The following DNAH11 variants were observed in gnomAD, a reference collection of about 807,000 sequenced individuals.
The protein encoded by DNAH11 is dynein axonemal heavy chain 11.
In DNAH11, 442 loss-of-function variants were observed where a neutral mutation model predicts 526.0. That is an observed-to-expected ratio of 0.84 (90% CI 0.78 to 0.91). The LOEUF is 0.91. Among genes scored for constraint, DNAH11 ranks in the 40% least tolerant of loss-of-function variants. The pLI, the probability that DNAH11 is intolerant of heterozygous loss-of-function variation, is 0.00. For missense variants in DNAH11, 6,989 were observed against 5,448.7 expected, an observed-to-expected ratio of 1.28 and a Z score of -8.90; for synonymous variants, 2,461 against 1,935.9, an observed-to-expected ratio of 1.27 and a Z score of -7.12.
At chr7:21,603,779 G>A (rs1219983189) in intron 18 of DNAH11, among the ~76,000 whole-genome samples, 1 of 152,138 alleles carries the variant, frequency 6.6e-6, no homozygotes, top group Non-Finnish European at 1.5e-5. Flanking sequence ...GATATTCCTT[G>A]AATCAGATGT....
In DNAH11 at chr7:21,819,224, G is replaced by A. The variant is rs79036154; in HGVS notation, c.10691+885G>A. Among the ~76,000 whole-genome samples, 8 of 151,724 alleles carry A rather than the reference G, an allele frequency of 5.3e-5. No homozygotes were observed. The East Asian group carries it at 1.5e-3, about 29-fold the overall frequency. ...TTCCCCCACCCTGTTCTTTCTTAAC[G>A]CCCACGCTCTGCCTCTAAGGTATCT... On this transcript the variant is annotated intron_variant, in intron 65 of 81. Transcript: ENST00000409508.
At chr7:21,599,525 G>C (rs1272026828) in intron 14 of DNAH11, among the ~76,000 whole-genome samples, 1 of 152,204 alleles carries the variant, frequency 6.6e-6, no homozygotes, top group Admixed American at 6.5e-5. Context: ...TGTATTTCCT[G>C]TCTGTATCTG....
At chr7:21,638,114 T>C (rs1786955010) in intron 27 of DNAH11, among the ~76,000 whole-genome samples, 1 of 152,208 alleles carries the variant, frequency 6.6e-6, no homozygotes, top group Non-Finnish European at 1.5e-5. Context: ...GCAGCATTTT[T>C]AAAATCATTG....
intron 36 of DNAH11, among the ~76,000 whole-genome samples, chr7:21,701,091 G>A (rs1025650044): frequency 6.6e-6 from 1 of 151,514 alleles, no homozygotes; most frequent in African/African-American, 2.4e-5. Flanking sequence ...CATGTGTCCC[G>A]AAACTTAAAC....
chr7:21,894,628 G>C lies in DNAH11; in HGVS notation c.12756G>C (p.Lys4252Asn). Residue 4252 changes from lysine (K) to asparagine (N), a missense_variant, in exon 78 of 82, where the codon AAG becomes AAC. Lys to Asn is a moderately conservative substitution (Grantham distance 94, BLOSUM62 0). Coordinates refer to ENST00000409508, the MANE Select transcript of DNAH11 (RefSeq NM_001277115.2). Reference protein sequence around the residue: ...ELGQSTEEKVKNVLDDILEKL... With the variant: ...ELGQSTEEKVNNVLDDILEKL... Reference sequence around the variant, plus strand: ...CTTTGTGTTACTGATTTAAGGTTAAGAATGTCTTGGATGACATTTTGGAGA... The same window carrying C: ...CTTTGTGTTACTGATTTAAGGTTAACAATGTCTTGGATGACATTTTGGAGA... 6.2e-7 allele frequency: 1 copy of C among 1,613,382 alleles called. No homozygotes were observed. Among genetic ancestry groups the C allele is most frequent in the Non-Finnish European group, 8.5e-7 (1 of 1,179,724 alleles).
chr7:21,638,688 TGG>T (rs939558054), intron 27 of DNAH11, among the ~76,000 whole-genome samples: 31 of 110,324 alleles, frequency 2.8e-4, no homozygotes, highest in East Asian at 2.3e-3. Context: ...CCACAGCTAA[TGG>T]GGTGTGTGTG....
At chr7:21,885,908 G>A (rs1388823458) in intron 76 of DNAH11, among the ~76,000 whole-genome samples, 1 of 152,084 alleles carries the variant, frequency 6.6e-6, no homozygotes, top group African/African-American at 2.4e-5. Flanking sequence ...GTTCCAGCCC[G>A]GGGCTGTGTT....
At chr7:21,658,032 T>C (rs899987069) in intron 29 of DNAH11, among the ~76,000 whole-genome samples, 1 of 152,162 alleles carries the variant, frequency 6.6e-6, no homozygotes, top group African/African-American at 2.4e-5. Flanking sequence ...GCAAATAATA[T>C]ATGTATCACT....
At chr7:21,778,328 A>G (rs571449519) in intron 56 of DNAH11, among the ~76,000 whole-genome samples, 1 of 152,140 alleles carries the variant, frequency 6.6e-6, no homozygotes, top group Non-Finnish European at 1.5e-5. Flanking sequence ...GCCACAGCAT[A>G]CTAATACCCC....
At chr7:21,760,694 C>T (rs1289236890) in intron 54 of DNAH11, among the ~76,000 whole-genome samples, 1 of 152,160 alleles carries the variant, frequency 6.6e-6, no homozygotes, top group Non-Finnish European at 1.5e-5. Flanking sequence ...ATGATGCTGC[C>T]TAACCAACCA....
chr7:21,765,733 A>T, intron 55 of DNAH11, 144 bp downstream of exon 55: 5 of 1,193,220 alleles, frequency 4.2e-6, no homozygotes, highest in Non-Finnish European at 5.6e-6. Flanking sequence ...TTTGTTTAAG[A>T]TGCTAAACTT....
At position 21,779,188 on chromosome 7, in the gene DNAH11, C is replaced by T. The variant is rs1444485618; in HGVS notation, c.9483+84C>T. ...GTAGGTGAACAATTTTGAACAACTT[C>T]CTCTCCAGGGAGCATAAAGTCTAAA... On this transcript the variant is annotated intron_variant, in intron 57 of 81. Coordinates refer to ENST00000409508, the MANE Select transcript of DNAH11 (RefSeq NM_001277115.2). The T allele has an allele frequency of 2.7e-6, 4 of 1,473,552 alleles. No individual in the cohort carries two copies. The East Asian group carries it at 7.1e-5, about 26-fold the overall frequency. The allele number at this position is 1,473,552 out of a possible 1,614,324, so 91.3% of individuals were successfully genotyped here. A position where few individuals can be genotyped will look rare whatever the true frequency, so the allele number is the denominator to read the frequency against.
intron 65 of DNAH11, among the ~76,000 whole-genome samples, chr7:21,824,551 A>G (rs1266462881): frequency 6.6e-6 from 1 of 152,218 alleles, no homozygotes; most frequent in Non-Finnish European, 1.5e-5. Context: ...TAAATAAAAG[A>G]TCTAAATAGA....
At chr7:21,776,220 G>C (rs1348084151) in intron 56 of DNAH11, among the ~76,000 whole-genome samples, 1 of 152,136 alleles carries the variant, frequency 6.6e-6, no homozygotes, top group African/African-American at 2.4e-5. Flanking sequence ...AGTCTGTAAA[G>C]ACACAAGACA....
chr7:21,717,456 G>T (rs1384084292), intron 42 of DNAH11, among the ~76,000 whole-genome samples: 1 of 152,148 alleles, frequency 6.6e-6, no homozygotes, highest in Non-Finnish European at 1.5e-5. Flanking sequence ...TATGGGAATA[G>T]TTTCAGCCCT....
intron 20 of DNAH11, among the ~76,000 whole-genome samples, chr7:21,610,360 A>C (rs2128450410): frequency 6.6e-6 from 1 of 152,328 alleles, no homozygotes; most frequent in South Asian, 2.1e-4. Context: ...CTGATTAAGG[A>C]ATTTCTAAGA....
At chr7:21,546,369 C>G (rs1782806211) in intron 2 of DNAH11, among the ~76,000 whole-genome samples, 1 of 152,076 alleles carries the variant, frequency 6.6e-6, no homozygotes, top group Non-Finnish European at 1.5e-5. Context: ...AACTTCAGTA[C>G]CAGGAACAAT....
At chr7:21,609,914 G>A (rs569867952) in intron 20 of DNAH11, among the ~76,000 whole-genome samples, 5 of 152,306 alleles carry the variant, frequency 3.3e-5, no homozygotes, top group Middle Eastern at 3.4e-3. Flanking sequence ...AAAGGAAGCC[G>A]ATGAGATCAC....
At chr7:21,593,513 A>G (rs1784763646) in intron 14 of DNAH11, among the ~76,000 whole-genome samples, 2 of 152,118 alleles carry the variant, frequency 1.3e-5, no homozygotes, top group South Asian at 2.1e-4. Context: ...GGATGTTTGT[A>G]TGTTAACTGC....
Sources: gnomAD v4.1 joint callset for allele counts (sites outside exome capture counted in the v4.1 genomes callset) on GRCh38, gnomAD v4.1.1 for gene constraint, MANE v1.5 for transcripts, NCBI Gene and HGNC (gene_info 2026-07-23, HGNC 2026-07-21) for gene names.